Variants in HAO2 observed in about 807,000 individuals in gnomAD.
HAO2 encodes the protein hydroxyacid oxidase 2, also known as 2-Hydroxyacid oxidase 2.
Under a neutral mutation model 37.4 loss-of-function variants are expected in HAO2, and 42 were observed. That is an observed-to-expected ratio of 1.12 (90% confidence interval 0.88 to 1.45). The LOEUF is 1.45. HAO2 is among the 40% of genes most tolerant of loss of function. The pLI is 0.00. For synonymous variants in HAO2, 180 were observed against 162.8 expected, an observed-to-expected ratio of 1.11 and a Z score of -0.81; for missense variants, 476 against 430.2, an observed-to-expected ratio of 1.11 and a Z score of -0.94.
chr1:119,378,473 A>C (rs1649657060), intron 1 of HAO2, among the ~76,000 whole-genome samples: 1 of 152,214 alleles, frequency 6.6e-6, no homozygotes. Context: ...GTCTCTTTAA[A>C]TGCAAAGTAG....
At chr1:119,392,830 G>A in intron 7 of HAO2, 143 bp downstream of exon 7, 1 of 688,326 alleles carries the variant, frequency 1.5e-6, no homozygotes, top group Non-Finnish European at 2.7e-6. Flanking sequence ...TCAAGACAAA[G>A]ATTAAGCACT....
intron 6 of HAO2, 130 bp downstream of exon 6, chr1:119,392,398 C>A: frequency 1.2e-6 from 1 of 800,076 alleles, no homozygotes; most frequent in Non-Finnish European, 2.0e-6. Context: ...ACCTAAGCTG[C>A]ATCTCCATGC....
At chr1:119,371,308 A>C (rs587627280) in intron 1 of HAO2, among the ~76,000 whole-genome samples, 1 of 152,088 alleles carries the variant, frequency 6.6e-6, no homozygotes, top group Non-Finnish European at 1.5e-5. Context: ...TCATACATAC[A>C]CTCTCTGATT....
chr1:119,383,165 C>T (rs1255497861), intron 3 of HAO2, 99 bp downstream of exon 3: 2 of 794,284 alleles, frequency 2.5e-6, no homozygotes, highest in Admixed American at 2.5e-5. Flanking sequence ...GCCTTAGGAA[C>T]ATAATCTGGT....
At chr1:119,374,306 C>T (rs1051457690) in intron 1 of HAO2, among the ~76,000 whole-genome samples, 2 of 152,220 alleles carry the variant, frequency 1.3e-5, no homozygotes, top group African/African-American at 4.8e-5. Context: ...CCTCTCCCAT[C>T]ACCTCTTTCA....
At chr1:119,381,038 T>C (rs2101210146) in intron 1 of HAO2, 40 bp from the exon 2 acceptor site, 1 of 1,589,208 alleles carries the variant, frequency 6.3e-7, no homozygotes, top group African/African-American at 1.3e-5. Context: ...TCTGAAGTGT[T>C]CTCACTGGGT....
intron 1 of HAO2, among the ~76,000 whole-genome samples, chr1:119,373,595 T>G (rs1192159775): frequency 2.0e-5 from 3 of 152,116 alleles, no homozygotes; most frequent in Non-Finnish European, 4.4e-5. Context: ...CACAATAACT[T>G]CAGAGTGAGC....
At chr1:119,392,434 T>C in intron 6 of HAO2, 166 bp downstream of exon 6, 1 of 708,246 alleles carries the variant, frequency 1.4e-6, no homozygotes, top group Non-Finnish European at 2.4e-6. Context: ...TTGCAAATGT[T>C]CAATAGCTTT....
chr1:119,377,170 G>GC (rs1649540410), intron 1 of HAO2, among the ~76,000 whole-genome samples: 1 of 152,126 alleles, frequency 6.6e-6, no homozygotes, highest in African/African-American at 2.4e-5. Flanking sequence ...GCTGTTAACA[G>GC]CCCCCAAGTC....
intron 2 of HAO2, 84 bp from the exon 3 acceptor site, chr1:119,382,831 G>C (rs1271990150): frequency 2.3e-6 from 3 of 1,294,022 alleles, no homozygotes; most frequent in Non-Finnish European, 3.3e-6. Context: ...CTTGTATCAG[G>C]AATCAGGGGG....
At chr1:119,380,780 C>CA in intron 1 of HAO2, 2 of 1,085,570 alleles carry the variant, frequency 1.8e-6, no homozygotes, top group South Asian at 2.5e-5. Context: ...GGTGGGGCCT[C>CA]AACTAGGTCT....
At chr1:119,382,673 C>T (rs1160469057) in intron 2 of HAO2, among the ~76,000 whole-genome samples, 1 of 152,162 alleles carries the variant, frequency 6.6e-6, no homozygotes, top group East Asian at 1.9e-4. Flanking sequence ...TTGGTATGCA[C>T]AAAGTGGTTC....
intron 1 of HAO2, among the ~76,000 whole-genome samples, chr1:119,377,078 C>T (rs587725972): frequency 6.6e-6 from 1 of 152,312 alleles, no homozygotes; most frequent in African/African-American, 2.4e-5. Flanking sequence ...GCAAATTTTC[C>T]AGACTTTTAT....
rs1238738464 is a variant in HAO2, at chr1:119,373,541, A to T, written c.-9+4639A>T. Among the ~76,000 whole-genome samples the T allele has an allele frequency of 5.9e-5, 9 of 152,090 alleles. No homozygotes were observed. The South Asian group carries it at 1.2e-3, about 21-fold the overall frequency. On this transcript the variant is annotated intron_variant, in intron 1 of 7. Transcript: ENST00000325945. ...AGTCTTCCAATCCTCAATAGGCAGGATGTGTGGGAGGCAGGACAATGGTAG... is the reference window on the plus strand; with the variant it reads ...AGTCTTCCAATCCTCAATAGGCAGGTTGTGTGGGAGGCAGGACAATGGTAG...
chr1:119,392,447 T>A, intron 6 of HAO2, 171 bp from the exon 7 acceptor site: 1 of 705,290 alleles, frequency 1.4e-6, no homozygotes, highest in South Asian at 1.8e-5. Flanking sequence ...ATAGCTTTCA[T>A]CCCCTATCTT....
intron 1 of HAO2, chr1:119,380,766 A>C: frequency 1.6e-6 from 2 of 1,288,270 alleles, no homozygotes. Context: ...AGCTTTTAAG[A>C]AGTGGTGGGG....
At chr1:119,379,940 C>T (rs1180519099) in intron 1 of HAO2, among the ~76,000 whole-genome samples, 2 of 152,166 alleles carry the variant, frequency 1.3e-5, no homozygotes, top group African/African-American at 4.8e-5. Flanking sequence ...TCTGTGTCCC[C>T]TTTGTCCATT....
chr1:119,392,195 T>C lies in HAO2; in HGVS notation c.857T>C (p.Val286Ala). ...LDGGVRTGND[V>A]LKALALGAKC... ...GGCGGGGTCCGAACTGGCAATGATG[T>C]GCTGAAGGCTCTGGCCCTTGGAGCT... Residue 286 changes from valine to alanine, a missense_variant, in exon 6 of 8, where the codon GTG becomes GCG. Transcript: ENST00000325945. 4 of 1,613,386 alleles carry C rather than the reference T, an allele frequency of 2.5e-6. No homozygotes were observed. Among genetic ancestry groups the C allele is most frequent in the Non-Finnish European group, 3.4e-6 (4 of 1,179,438 alleles).
chr1:119,392,079 G>C (rs1164793439), intron 5 of HAO2, 31 bp from the exon 6 acceptor site: 9 of 1,575,442 alleles, frequency 5.7e-6, no homozygotes, highest in Non-Finnish European at 7.8e-6. Context: ...AAAATAGAAA[G>C]CCCTCCAGCC....
Sources: allele counts gnomAD v4.1 joint callset (sites outside exome capture counted in the v4.1 genomes callset), GRCh38; gene constraint gnomAD v4.1.1; transcripts MANE v1.5; gene names NCBI Gene and HGNC (gene_info 2026-07-23, HGNC 2026-07-21).